TIMP3: variants seen among roughly 807,000 people sequenced by gnomAD.
TIMP3 encodes metalloproteinase inhibitor 3.
A neutral mutation model predicts 30.0 loss-of-function variants in TIMP3; 11 were observed. The ratio of observed to expected loss-of-function variants is 0.37; its 90% CI spans 0.23 to 0.61. The LOEUF (loss-of-function observed/expected upper bound fraction) is 0.61, where lower values mean the gene tolerates loss of function less well. TIMP3 is among the 20% of genes least tolerant of loss of function. TIMP3 has a pLI of 0.70. For synonymous variants in TIMP3, 112 were observed against 111.3 expected (o/e 1.01, Z -0.04); for missense variants, 181 against 276.8 (o/e 0.65, Z 2.45).
At chr22:32,831,507 G>A (rs535220414) in intron 1 of TIMP3, among the ~76,000 whole-genome samples, 186 of 152,250 alleles carry the variant, frequency 1.2e-3, no homozygotes, top group Middle Eastern at 3.4e-3. Flanking sequence ...TGTGGGGGTC[G>A]GAGTTGGGGG....
chr22:32,807,386 T>A (rs7292438), intron 1 of TIMP3, among the ~76,000 whole-genome samples: 112 of 104,270 alleles, frequency 1.1e-3, no homozygotes, highest in African/African-American at 4.1e-3. Flanking sequence ...ATAATATATA[T>A]TATATATAAT....
chr22:32,802,051 G>T lies in TIMP3; in HGVS notation c.50G>T (p.Gly17Val). 6.3e-7 allele frequency: 1 copy of T among 1,577,300 alleles called. No individual in the cohort carries two copies. Among genetic ancestry groups the T allele is most frequent in the Non-Finnish European group, 8.6e-7 (1 of 1,166,436 alleles). ...LIVLLGSWSL[G>V]DWGAEACTCS... ...GTGCTCCTGGGCAGCTGGAGCCTGGGGGACTGGGGCGCCGAGGCGTGCACA... is the reference window on the plus strand; with the variant it reads ...GTGCTCCTGGGCAGCTGGAGCCTGGTGGACTGGGGCGCCGAGGCGTGCACA... Residue 17 changes from glycine (G) to valine (V), a missense_variant, in exon 1 of 5, where the codon GGG becomes GTG. This residue lies in a region of TIMP3 where 71 missense variants were observed against 79.7 expected (regional missense o/e 0.89). Coordinates refer to ENST00000266085, the MANE Select transcript of TIMP3 (RefSeq NM_000362.5).
chr22:32,827,903 A>T (rs1177128874), intron 1 of TIMP3, among the ~76,000 whole-genome samples: 1 of 152,068 alleles, frequency 6.6e-6, no homozygotes, highest in East Asian at 1.9e-4. Context: ...GCCCCTTCTC[A>T]TCATGGAGGT....
Position 32,801,782 on chromosome 22 carries a change from G to C in TIMP3, c.-220G>C, listed in dbSNP as rs1479831392. ...TTGCTCCTCCAGCTCCTGCTCCTTC[G>C]CCGGGAGGCCGCCCGCCGAGTCCTG... On this transcript the variant is annotated 5_prime_UTR_variant, in exon 1 of 5. Coordinates refer to ENST00000266085, the MANE Select transcript of TIMP3 (RefSeq NM_000362.5). This position sits in a 1 kb window ranked among gnomAD's most constrained non-coding sequence, Gnocchi z 4.7. The C allele has an allele frequency of 2.9e-6, 1 of 342,102 alleles. No individual in the cohort carries two copies. The highest frequency in any genetic ancestry group is 2.2e-5 in the African/African-American group (1 of 45,660). 21.2% of individuals were successfully genotyped at this position (342,102 alleles called of 1,614,324 possible).
At chr22:32,812,502 G>A (rs183716593) in intron 1 of TIMP3, among the ~76,000 whole-genome samples, 1 of 152,314 alleles carries the variant, frequency 6.6e-6, no homozygotes, top group East Asian at 1.9e-4. Context: ...CACTGATTGT[G>A]GGAGGGCTTG....
chr22:32,827,185 A>G (rs1057221898), intron 1 of TIMP3, among the ~76,000 whole-genome samples: 2 of 152,218 alleles, frequency 1.3e-5, no homozygotes, highest in Non-Finnish European at 2.9e-5. Context: ...TTGGCCAGGA[A>G]TTCAGCGAGT....
intron 1 of TIMP3, among the ~76,000 whole-genome samples, chr22:32,835,421 C>T (rs2047702544): frequency 6.6e-6 from 1 of 152,108 alleles, no homozygotes; most frequent in South Asian, 2.1e-4. Flanking sequence ...TACATACACA[C>T]TAGGGCCCCT....
intron 4 of TIMP3, among the ~76,000 whole-genome samples, chr22:32,858,904 A>G (rs2048455239): frequency 6.6e-6 from 1 of 152,202 alleles, no homozygotes; most frequent in Admixed American, 6.5e-5. Context: ...TAATTCTGCT[A>G]CTTACTGGCT....
chr22:32,807,875 A>G (rs2046807697), intron 1 of TIMP3, among the ~76,000 whole-genome samples: 1 of 152,092 alleles, frequency 6.6e-6, no homozygotes, highest in South Asian at 2.1e-4. Context: ...TATATGCAAC[A>G]TGAGGGGATG....
At chr22:32,813,620 GA>G (rs1242706287) in intron 1 of TIMP3, among the ~76,000 whole-genome samples, 1 of 151,028 alleles carries the variant, frequency 6.6e-6, no homozygotes, top group Non-Finnish European at 1.5e-5. Flanking sequence ...TTTATTTCTA[GA>G]ATCTCCTTTC....
At chr22:32,813,916 G>A (rs2046984369) in intron 1 of TIMP3, among the ~76,000 whole-genome samples, 1 of 152,072 alleles carries the variant, frequency 6.6e-6, no homozygotes, top group African/African-American at 2.4e-5. Context: ...CTCATTGCCT[G>A]GCATGTAGTA....
chr22:32,801,862 AGG>A lies in TIMP3; in HGVS notation c.-138_-137del. On this transcript the variant is annotated 5_prime_UTR_variant, in exon 1 of 5. Coordinates refer to ENST00000266085, the MANE Select transcript of TIMP3 (RefSeq NM_000362.5). The surrounding 1 kb of genome is among the most constrained non-coding windows in gnomAD (Gnocchi z 4.7). ...CCATCCCGTCCCGCCGGGCACTCGG[AGG>A]GCAGCGCGCCGGAGGCCAAGGTTGC... 1.8e-6 allele frequency: 2 copies of A among 1,102,892 alleles called. No individual in the cohort carries two copies. Among genetic ancestry groups the A allele is most frequent in the South Asian group, 3.2e-5 (1 of 31,310 alleles). 68.3% of individuals were successfully genotyped at this position (1,102,892 alleles called of 1,614,324 possible).
At chr22:32,805,238 T>G (rs899324941) in intron 1 of TIMP3, among the ~76,000 whole-genome samples, 29 of 152,100 alleles carry the variant, frequency 1.9e-4, no homozygotes, top group Non-Finnish European at 3.8e-4. Flanking sequence ...GAGGCTCAGC[T>G]GGGGGGCCGG....
intron 1 of TIMP3, among the ~76,000 whole-genome samples, chr22:32,816,045 G>C (rs995768136): frequency 6.6e-6 from 1 of 152,178 alleles, no homozygotes; most frequent in Non-Finnish European, 1.5e-5. Flanking sequence ...AGGCAAAGCA[G>C]GCTCGTCTCC....
rs755439243 is a variant in TIMP3, at chr22:32,858,069, G to A, written c.369G>A (p.Arg123=). ...CGGGGCTGTGCAACTTCGTGGAGAG[G>A]TGGGACCAGCTCACCCTCTCCCAGC... ...MYTGLCNFVE[R]WDQLTLSQRK... is the part of the protein sequence containing the mutation. The change falls in exon 4 of 5, where the codon AGG becomes AGA. Residue 123 remains arginine, a synonymous_variant. Coordinates refer to ENST00000266085, the MANE Select transcript of TIMP3 (RefSeq NM_000362.5). 3.1e-6 allele frequency: 5 copies of A among 1,614,210 alleles called. No homozygotes were observed. Among genetic ancestry groups the A allele is most frequent in the South Asian group, 1.1e-5 (1 of 91,074 alleles).
rs374488332 is a variant in TIMP3, at chr22:32,849,459, G to A, written c.129G>A (p.Arg43=). The A allele has an allele frequency of 2.2e-4, 347 of 1,613,528 alleles. No individual in the cohort carries two copies. Among genetic ancestry groups the A allele is most frequent in the Non-Finnish European group, 2.8e-4 (331 of 1,179,848 alleles). Residue 43 remains arginine (R), a synonymous_variant, in exon 2 of 5, where the codon CGG becomes CGA. Coordinates refer to ENST00000266085, the MANE Select transcript of TIMP3 (RefSeq NM_000362.5). Reference sequence around the variant, plus strand: ...CTCCTTCTGTCTCTGCAGTGATCCGGGCCAAGGTGGTGGGGAAGAAGCTGG... The same window carrying A: ...CTCCTTCTGTCTCTGCAGTGATCCGAGCCAAGGTGGTGGGGAAGAAGCTGG... ...DAFCNSDIVI[R]AKVVGKKLVK...
chr22:32,830,609 T>C (rs780099113), intron 1 of TIMP3, among the ~76,000 whole-genome samples: 8 of 152,160 alleles, frequency 5.3e-5, no homozygotes, highest in East Asian at 1.9e-4. Context: ...GGAATAGATA[T>C]GCGAGTTAAA....
rs539316872 is a variant in TIMP3 at position 32,845,355 on chromosome 22, G to A, written c.122-4097G>A. 1.8e-4 allele frequency among the ~76,000 whole-genome samples: 28 copies of A among 152,120 alleles called. No homozygotes were observed. In the South Asian group the frequency reaches 5.6e-3, roughly 31 times the overall value. On this transcript the variant is annotated intron_variant, in intron 1 of 4. Coordinates refer to ENST00000266085, the MANE Select transcript of TIMP3 (RefSeq NM_000362.5). ...GGGACTACAGGCGGCCCCATGCCCA[G>A]CTAATTTTTGTATTTTAGTAGAGAT...
chr22:32,803,922 C>CCA, intron 1 of TIMP3, among the ~76,000 whole-genome samples: 1 of 152,262 alleles, frequency 6.6e-6, no homozygotes, highest in Non-Finnish European at 1.5e-5. Context: ...TAAAAATTGA[C>CCA]CACGGAAAAG....
Sources: gnomAD v4.1 joint callset for allele counts (sites outside exome capture counted in the v4.1 genomes callset) on GRCh38, gnomAD v4.1.1 for gene constraint, gnomAD v4.1.1 regional missense constraint, Gnocchi (gnomAD v3.1) non-coding constraint, MANE v1.5 for transcripts, NCBI Gene and HGNC (gene_info 2026-07-23, HGNC 2026-07-21) for gene names.